The following VTI1A variants were observed in gnomAD, a reference collection of about 807,000 sequenced individuals.
VTI1A encodes vesicle transport through interaction with t-SNAREs 1A.
VTI1A carries 22 observed loss-of-function variants against 34.9 expected under a neutral mutation model. That is an observed-to-expected ratio of 0.63 (90% confidence interval 0.45 to 0.90). The LOEUF (loss-of-function observed/expected upper bound fraction) is 0.90. VTI1A is among the 40% of genes least tolerant of loss of function. VTI1A has a pLI of 0.00. For synonymous variants in VTI1A, 87 were observed against 97.3 expected (o/e 0.89, Z 0.62); for missense variants, 268 against 275.6 (o/e 0.97, Z 0.20).
intron 7 of VTI1A, among the ~76,000 whole-genome samples, chr10:112,702,809 C>G (rs1046716890): frequency 2.0e-5 from 3 of 152,202 alleles, no homozygotes; most frequent in Non-Finnish European, 4.4e-5. Context: ...TGGTGTTGAA[C>G]TCCTAGGCTC....
At position 112,545,950 on chromosome 10, in the gene VTI1A, G is replaced by GTGTGTGTGTATATACGTGTATACACGTA. The variant is rs1564821266; in HGVS notation, c.427+7644_427+7671dup. Among the ~76,000 whole-genome samples the GTGTGTGTGTATATACGTGTATACACGTA allele has an allele frequency of 9.1e-4, 136 of 148,974 alleles. 2 individuals carry two copies. Among genetic ancestry groups the GTGTGTGTGTATATACGTGTATACACGTA allele is most frequent in the South Asian group, 2.4e-3 (11 of 4,608 alleles). ...GTGTTTGTGTATTTTGCATGTATATGTGTGTGTGTATATACGTGTATACAC... is the reference window on the plus strand; with the variant it reads ...GTGTTTGTGTATTTTGCATGTATATGTGTGTGTGTATATACGTGTATACACGTATGTGTGTGTATATACGTGTATACAC... On this transcript the variant is annotated intron_variant, in intron 5 of 7. Coordinates refer to ENST00000393077, the MANE Select transcript of VTI1A (RefSeq NM_145206.4).
intron 5 of VTI1A, among the ~76,000 whole-genome samples, chr10:112,590,780 A>C (rs1376880544): frequency 6.6e-6 from 1 of 152,184 alleles, no homozygotes; most frequent in Non-Finnish European, 1.5e-5. Context: ...GATAATAATT[A>C]ATGTATAGTG....
intron 5 of VTI1A, among the ~76,000 whole-genome samples, chr10:112,653,955 T>TA (rs547902215): frequency 2.1e-4 from 32 of 152,346 alleles, no homozygotes; most frequent in Non-Finnish European, 4.1e-4. Context: ...AAATTCTTCT[T>TA]ACAATTATGC....
At chr10:112,589,812 G>T (rs1844316147) in intron 5 of VTI1A, among the ~76,000 whole-genome samples, 1 of 152,114 alleles carries the variant, frequency 6.6e-6, no homozygotes, top group South Asian at 2.1e-4. Context: ...TCTGACATCA[G>T]AATCTGAGTT....
chr10:112,499,369 A>G (rs533355619), intron 3 of VTI1A, among the ~76,000 whole-genome samples: 37 of 151,898 alleles, frequency 2.4e-4, no homozygotes, highest in African/African-American at 8.7e-4. Flanking sequence ...CTGAATCTCC[A>G]TTGGATTCTC....
chr10:112,560,443 A>C (rs1356890704), intron 5 of VTI1A, among the ~76,000 whole-genome samples: 1 of 152,084 alleles, frequency 6.6e-6, no homozygotes, highest in Non-Finnish European at 1.5e-5. Context: ...CCTGAATCTT[A>C]CCAAGCCCCT....
At chr10:112,837,271 G>T in the VTI1A span, among the ~76,000 whole-genome samples, 2 of 152,148 alleles carry the variant, frequency 1.3e-5, no homozygotes, top group Admixed American at 6.5e-5. Context: ...AGGTTGCAGT[G>T]AGCCAAGATT....
intron 3 of VTI1A, among the ~76,000 whole-genome samples, chr10:112,475,345 C>T (rs979692992): frequency 3.3e-5 from 5 of 152,230 alleles, no homozygotes; most frequent in Admixed American, 6.5e-5. Flanking sequence ...TGTGCATATG[C>T]ACCCACACAG....
intron 5 of VTI1A, among the ~76,000 whole-genome samples, chr10:112,656,303 G>A (rs1847225609): frequency 1.3e-5 from 2 of 151,806 alleles, no homozygotes; most frequent in Admixed American, 1.3e-4. Context: ...TTATTCTCAG[G>A]GTTAGATAAA....
chr10:112,753,079 C>G (rs1017065918), intron 7 of VTI1A, among the ~76,000 whole-genome samples: 6 of 151,678 alleles, frequency 4.0e-5, no homozygotes, highest in African/African-American at 1.5e-4. Context: ...AAAAAATTAC[C>G]TTTAAAAGGA....
intron 7 of VTI1A, among the ~76,000 whole-genome samples, chr10:112,684,145 A>G (rs1848317675): frequency 6.6e-6 from 1 of 151,924 alleles, no homozygotes; most frequent in Non-Finnish European, 1.5e-5. Flanking sequence ...CACAACTATT[A>G]ATTGGCATAT....
intron 7 of VTI1A, among the ~76,000 whole-genome samples, chr10:112,673,480 A>ACACG (rs1564877897): frequency 6.6e-6 from 1 of 151,686 alleles, no homozygotes; most frequent in Non-Finnish European, 1.5e-5. Flanking sequence ...ACACACACAC[A>ACACG]CACGCACTCA....
intron 7 of VTI1A, among the ~76,000 whole-genome samples, chr10:112,799,924 CAGAGAGAGAG>C (rs59003027): frequency 6.7e-6 from 1 of 148,266 alleles, no homozygotes; most frequent in Admixed American, 6.7e-5. Flanking sequence ...CCCTGGAGCC[CAGAGAGAGAG>C]AGAGAGAGAG....
chr10:112,661,863 G>C (rs1025683644), intron 5 of VTI1A, among the ~76,000 whole-genome samples: 1 of 150,264 alleles, frequency 6.7e-6, no homozygotes, highest in African/African-American at 2.5e-5. Flanking sequence ...CACCTCGCAG[G>C]TTCAAGTAAT....
At chr10:112,633,786 A>G (rs1846233687) in intron 5 of VTI1A, among the ~76,000 whole-genome samples, 2 of 152,152 alleles carry the variant, frequency 1.3e-5, no homozygotes, top group Non-Finnish European at 2.9e-5. Flanking sequence ...TTTTATGGGC[A>G]TAAGAGCTTA....
chr10:112,460,652 G>A, intron 2 of VTI1A, 70 bp downstream of exon 2: 1 of 1,226,126 alleles, frequency 8.2e-7, no homozygotes, highest in Non-Finnish European at 1.1e-6. Context: ...CCTCTAGCCT[G>A]TTTTATACAT....
At chr10:112,550,034 G>A (rs1851290269) in intron 5 of VTI1A, among the ~76,000 whole-genome samples, 1 of 152,152 alleles carries the variant, frequency 6.6e-6, no homozygotes, top group Non-Finnish European at 1.5e-5. Flanking sequence ...TTCTCCTTAG[G>A]TAGTCCAAGT....
At chr10:112,625,023 A>G (rs1377542343) in intron 5 of VTI1A, among the ~76,000 whole-genome samples, 2 of 152,122 alleles carry the variant, frequency 1.3e-5, no homozygotes, top group African/African-American at 2.4e-5. Flanking sequence ...ACTTGAGCCC[A>G]AAAGGTTGAG....
intron 7 of VTI1A, among the ~76,000 whole-genome samples, chr10:112,678,275 G>A (rs1015562752): frequency 6.6e-6 from 1 of 152,124 alleles, no homozygotes; most frequent in Non-Finnish European, 1.5e-5. Context: ...AGAATATGAA[G>A]GGTGCACTTT....
Sources: allele counts gnomAD v4.1 joint callset (sites outside exome capture counted in the v4.1 genomes callset), GRCh38; gene constraint gnomAD v4.1.1; transcripts MANE v1.5; gene names NCBI Gene and HGNC (gene_info 2026-07-23, HGNC 2026-07-21).